EP300: variants seen among roughly 807,000 people sequenced by gnomAD.
EP300 encodes EP300 lysine acetyltransferase.
EP300 carries 31 observed loss-of-function variants against 264.0 expected under a neutral mutation model. The observed-to-expected ratio is 0.12, with a 90% CI of 0.09 to 0.16. EP300 has a LOEUF of 0.16. EP300 is among the 10% of genes least tolerant of loss of function. The probability of loss-of-function intolerance (pLI) is 1.00; values close to 1 mark genes in which losing one functional copy is unlikely to be tolerated. For missense variants in EP300, 2,766 were observed against 3,052.9 expected, an observed-to-expected ratio of 0.91 and a Z score of 2.21; for synonymous variants, 1,340 against 1,045.4, an observed-to-expected ratio of 1.28 and a Z score of -5.44.
rs59721178 is a variant in EP300, at chr22:41,179,880, TCACACACACACACA to T, written c.*954_*967del. On this transcript the variant is annotated 3_prime_UTR_variant, in exon 31 of 31. Transcript: ENST00000263253. ...TCTTCCTCCTTACCCTACCCCCCAC[TCACACACACACACA>T]CACACACACACACACACACACACAC... is the stretch of plus-strand genomic sequence containing the variant. The T allele has an allele frequency of 0.25, 41,339 of 167,100 alleles. 5,202 individuals are homozygous for T. The highest frequency in any genetic ancestry group is 0.45 in the Admixed American group (6,046 of 13,544). The allele number at this position is 167,100 out of a possible 1,614,324, so 10.4% of individuals were successfully genotyped here.
At chr22:41,140,944 C>T in intron 9 of EP300, 104 bp from the exon 10 acceptor site, 1 of 1,098,594 alleles carries the variant, frequency 9.1e-7, no homozygotes. Flanking sequence ...CTTAATGCAG[C>T]ATATAAAATG....
In EP300 at chr22:41,126,032, C is replaced by T. The variant is rs1414372233; in HGVS notation, c.898C>T (p.Pro300Ser). ...DKKAVPGGGMPNMGQQPAPQV... is the reference protein window; with the variant it reads ...DKKAVPGGGMSNMGQQPAPQV... ...AAAGGCAGTTCCTGGTGGAGGAATGCCCAACATGGTGAGTACTAATCCATT... is the reference window on the plus strand; with the variant it reads ...AAAGGCAGTTCCTGGTGGAGGAATGTCCAACATGGTGAGTACTAATCCATT... The change falls in exon 3 of 31, where the codon CCC becomes TCC. Residue 300 changes from proline (P) to serine (S), a missense_variant. Physicochemically the swap from Pro to Ser is moderately conservative, Grantham distance 74. Coordinates refer to ENST00000263253, the MANE Select transcript of EP300 (RefSeq NM_001429.4). 1.2e-6 allele frequency: 2 copies of T among 1,613,912 alleles called. No homozygotes were observed. The highest frequency in any genetic ancestry group is 1.7e-5 in the Admixed American group (1 of 59,992).
Position 41,092,715 on chromosome 22 carries a change from C to G in EP300, c.-290C>G. On this transcript the variant is annotated 5_prime_UTR_variant, in exon 1 of 31. Transcript: ENST00000263253. ...GACTGCGCCTCTAGAGCCGCGAGTT[C>G]TCGGGAATTCGCCGCAGCGGACGCG... is the stretch of plus-strand genomic sequence containing the variant. 1 of 614,680 alleles carries G rather than the reference C, an allele frequency of 1.6e-6. No individual in the cohort carries two copies. The highest frequency in any genetic ancestry group is 3.0e-6 in the Non-Finnish European group (1 of 338,634). The allele number at this position is 614,680 out of a possible 1,614,324, so 38.1% of individuals were successfully genotyped here.
At position 41,146,769 on chromosome 22, in the gene EP300, G is replaced by C. The variant is rs1331329852; in HGVS notation, c.2084G>C (p.Arg695Pro). 8.7e-6 allele frequency: 14 copies of C among 1,614,002 alleles called. No homozygotes were observed. Among genetic ancestry groups the C allele is most frequent in the African/African-American group, 1.3e-5 (1 of 74,918 alleles). The stretch of plus-strand genomic sequence containing the variant: ...CCTCTACCTGACCCAAGTATGATCC[G>C]TGGCAGTGTGCCAAACCAGATGATG... ...NGPLPDPSMI[R>P]GSVPNQMMPR... Residue 695 changes from arginine to proline, a missense_variant, in exon 11 of 31, where the codon CGT (arginine) becomes CCT (proline). By Grantham distance (103) the Arg-to-Pro change is moderately radical (BLOSUM62 -2). Coordinates refer to ENST00000263253, the MANE Select transcript of EP300 (RefSeq NM_001429.4).
chr22:41,128,630 C>T (rs1455210439), intron 4 of EP300, among the ~76,000 whole-genome samples: 5 of 152,074 alleles, frequency 3.3e-5, no homozygotes, highest in African/African-American at 1.2e-4. Flanking sequence ...GCCTCAGCCT[C>T]CCAAGTAACT....
At chr22:41,169,214 A>G in intron 25 of EP300, 1 of 545,668 alleles carries the variant, frequency 1.8e-6, no homozygotes, top group East Asian at 3.2e-5. Flanking sequence ...CTTTTCTCCA[A>G]AAATAGTATA....
intron 2 of EP300, among the ~76,000 whole-genome samples, chr22:41,120,124 C>T (rs958795397): frequency 2.0e-5 from 3 of 152,124 alleles, no homozygotes; most frequent in Non-Finnish European, 4.4e-5. Flanking sequence ...AATGAATCCA[C>T]CTATATTGAT....
In EP300 at chr22:41,150,137, G is replaced by A. The variant is rs141403873; in HGVS notation, c.2756G>A (p.Ser919Asn). ...QPQQQPRSQQ[S>N]TAASVPTPTA... ...CAGCAGCAGCCTCGCTCACAGCAGA[G>A]CACAGCAGCGTCTGTTCCTACCCCA... is the stretch of plus-strand genomic sequence containing the variant. Residue 919 changes from serine (S) to asparagine (N), a missense_variant, in exon 14 of 31, where the codon AGC (serine) becomes AAC (asparagine). Ser to Asn is a conservative substitution (Grantham distance 46). Transcript: ENST00000263253. 33 of 1,612,386 alleles carry A rather than the reference G, an allele frequency of 2.0e-5. No homozygotes were observed. Among genetic ancestry groups the A allele is most frequent in the Admixed American group, 1.7e-4 (10 of 59,966 alleles).
chr22:41,115,483 AGTGCAGTT>A, intron 1 of EP300, among the ~76,000 whole-genome samples: 1 of 152,250 alleles, frequency 6.6e-6, no homozygotes, highest in East Asian at 1.9e-4. Context: ...CCCAGGCTGG[AGTGCAGTT>A]GTGCAGTTAA....
intron 6 of EP300, among the ~76,000 whole-genome samples, chr22:41,133,015 AG>A (rs1249048143): frequency 5.9e-5 from 9 of 152,294 alleles, no homozygotes; most frequent in African/African-American, 2.2e-4. Context: ...TTGTTTGAGT[AG>A]TTAGACATCC....
At chr22:41,152,882 C>T (rs1250641432) in intron 16 of EP300, among the ~76,000 whole-genome samples, 9 of 152,062 alleles carry the variant, frequency 5.9e-5, no homozygotes, top group African/African-American at 2.2e-4. Flanking sequence ...CTCAGCCTCC[C>T]GAGTATCTGG....
chr22:41,179,030 T>A lies in EP300; in HGVS notation c.*74T>A. On this transcript the variant is annotated 3_prime_UTR_variant, in exon 31 of 31. Coordinates refer to ENST00000263253, the MANE Select transcript of EP300 (RefSeq NM_001429.4). ...AGACTTTTTGTACTGAAAACAATTT[T>A]TTTGAATCTTTCGTAGCCTAAAAGA... 5.1e-6 allele frequency: 8 copies of A among 1,568,982 alleles called. No homozygotes were observed. The highest frequency in any genetic ancestry group is 1.1e-5 in the South Asian group (1 of 89,136).
Position 41,155,629 on chromosome 22 carries a change from A to G in EP300, c.3261+516A>G, listed in dbSNP as rs909023173. Among the ~76,000 whole-genome samples the G allele has an allele frequency of 4.6e-5, 7 of 152,112 alleles. No homozygotes were observed. In the South Asian group the frequency reaches 8.3e-4, roughly 18 times the overall value. On this transcript the variant is annotated intron_variant, in intron 17 of 30. Coordinates refer to ENST00000263253, the MANE Select transcript of EP300 (RefSeq NM_001429.4). ...CCTTTACCATTAACAGTCACTCACTATTTTCTCCCATAGCACCCCAATCCT... is the reference window on the plus strand; with the variant it reads ...CCTTTACCATTAACAGTCACTCACTGTTTTCTCCCATAGCACCCCAATCCT...
chr22:41,178,268 A>C lies in EP300; in HGVS notation c.6557A>C (p.Gln2186Pro). The C allele has an allele frequency of 6.2e-7, 1 of 1,614,082 alleles. No individual in the cohort carries two copies. Among genetic ancestry groups the C allele is most frequent in the African/African-American group, 1.3e-5 (1 of 75,018 alleles). Residue 2186 changes from glutamine to proline, a missense_variant, in exon 31 of 31, where the codon CAG becomes CCG. Transcript: ENST00000263253. ...PSQFRDILRR[Q>P]QMMQQQQQQG... is the part of the protein sequence containing the mutation. ...CAATTCCGAGACATCTTGAGACGAC[A>C]GCAAATGATGCAACAGCAGCAGCAA...
Position 41,157,283 on chromosome 22 carries a change from A to G in EP300, c.3376A>G (p.Asn1126Asp). The change falls in exon 18 of 31, where the codon AAT becomes GAT. Residue 1126 changes from asparagine to aspartate, a missense_variant. Transcript: ENST00000263253. ...TGTCGATGATATTTGGCTTATGTTC[A>G]ATAATGCCTGGTTATATAACCGGAA... ...QYVDDIWLMF[N>D]NAWLYNRKTS... 1 of 1,614,188 alleles carries G rather than the reference A, an allele frequency of 6.2e-7. No individual in the cohort carries two copies. The highest frequency in any genetic ancestry group is 1.1e-5 in the South Asian group (1 of 91,080).
intron 5 of EP300, 65 bp from the exon 6 acceptor site, chr22:41,131,323 G>T: frequency 6.5e-7 from 1 of 1,541,308 alleles, no homozygotes; most frequent in South Asian, 1.1e-5. Context: ...TTTTTTATTA[G>T]ACATGTTAGT....
intron 30 of EP300, 91 bp from the exon 31 acceptor site, chr22:41,176,682 A>G: frequency 6.2e-7 from 1 of 1,612,528 alleles, no homozygotes; most frequent in East Asian, 2.2e-5. Context: ...TGTTCTACGA[A>G]AGGGGCTTTT....
chr22:41,179,084 T>A lies in EP300; in HGVS notation c.*128T>A. The A allele has an allele frequency of 1.9e-6, 2 of 1,057,756 alleles. No homozygotes were observed. Among genetic ancestry groups the A allele is most frequent in the Non-Finnish European group, 2.7e-6 (2 of 730,456 alleles). 65.5% of individuals were successfully genotyped at this position (1,057,756 alleles called of 1,614,324 possible). On this transcript the variant is annotated 3_prime_UTR_variant, in exon 31 of 31. Coordinates refer to ENST00000263253, the MANE Select transcript of EP300 (RefSeq NM_001429.4). ...TTTTCCTTGGAACACATAAGAACTGTGCAGTAGCCGTTTGTGGTTTAAAGC... is the reference window on the plus strand; with the variant it reads ...TTTTCCTTGGAACACATAAGAACTGAGCAGTAGCCGTTTGTGGTTTAAAGC...
At position 41,141,111 on chromosome 22, in the gene EP300, C is replaced by T. The variant is rs137853039; in HGVS notation, c.1942C>T (p.Arg648Ter). The T allele has an allele frequency of 6.2e-7, 1 of 1,614,064 alleles. No homozygotes were observed. The highest frequency in any genetic ancestry group is 8.5e-7 in the Non-Finnish European group (1 of 1,179,998). Residue 648 changes from arginine (R) to a stop codon, truncating the protein, a stop_gained, in exon 10 of 31, where the codon CGA (arginine) becomes TGA (stop). Coordinates refer to ENST00000263253, the MANE Select transcript of EP300 (RefSeq NM_001429.4). LOFTEE classifies it high-confidence loss of function. ...GATCCAGAAAGAACTAGAAGAAAAA[C>T]GAAGGACCAGACTACAGAAGCAGAA... ...YKIQKELEEK[R>*]RTRLQKQNML...
Sources: allele counts gnomAD v4.1 joint callset (sites outside exome capture counted in the v4.1 genomes callset), GRCh38; gene constraint gnomAD v4.1.1; transcripts MANE v1.5; gene names NCBI Gene and HGNC (gene_info 2026-07-23, HGNC 2026-07-21).